The following MGST2 variants were observed in gnomAD, a reference collection of about 807,000 sequenced individuals.
MGST2 encodes the protein glutathione peroxidase MGST2.
MGST2 carries 9 observed loss-of-function variants against 16.6 expected under a neutral mutation model. The observed-to-expected ratio is 0.54, with a 90% confidence interval of 0.33 to 0.95. The LOEUF (loss-of-function observed/expected upper bound fraction) is 0.95. MGST2 is among the 40% of genes least tolerant of loss of function. The probability of loss-of-function intolerance (pLI) is 0.03; values close to 1 mark genes in which losing one functional copy is unlikely to be tolerated. For missense variants in MGST2, 159 were observed against 175.1 expected, an observed-to-expected ratio of 0.91 and a Z score of 0.52; for synonymous variants, 79 against 68.0, an observed-to-expected ratio of 1.16 and a Z score of -0.79.
At chr4:139,717,197 C>T (rs1403780840) in intron 5 of MGST2, 1 of 152,516 alleles carries the variant, frequency 6.6e-6, no homozygotes, top group Non-Finnish European at 1.5e-5. Flanking sequence ...TTAAAATCTA[C>T]CTATTAGTTG....
At position 139,698,657 on chromosome 4, in the gene MGST2, A is replaced by C. The variant is rs1399171694; in HGVS notation, c.229+3390A>C. The C allele has an allele frequency of 1.2e-5, 9 of 752,130 alleles. No homozygotes were observed. The Admixed American group carries it at 2.2e-4, about 18-fold the overall frequency. The allele number at this position is 752,130 out of a possible 1,614,324, so 46.6% of individuals were successfully genotyped here. ...GAGCCAAGTATGTGTTTCTTATAGC[A>C]ATCCTGCTCCCACATAAAAGCTGCA... On this transcript the variant is annotated intron_variant, in intron 3 of 4. Transcript: ENST00000265498.
At chr4:139,700,422 C>A (rs1304337639) in intron 3 of MGST2, among the ~76,000 whole-genome samples, 2 of 152,234 alleles carry the variant, frequency 1.3e-5, no homozygotes, top group East Asian at 1.9e-4. Flanking sequence ...TGAGCCACCA[C>A]GCCCGGCCAC....
chr4:139,713,700 G>A lies in MGST2; in HGVS notation c.*48+9504G>A, dbSNP rs140587523. ...TTACCTGACTTTAACAATGCCAAGC[G>A]GCCAATATTTCTAGCTTCTGAACTC... On this transcript the variant is annotated intron_variant, in intron 5 of 5. Transcript: ENST00000616265. Among the ~76,000 whole-genome samples, 298 of 152,150 alleles carry A rather than the reference G, an allele frequency of 2.0e-3. 3 individuals are homozygous for A. Among genetic ancestry groups the A allele is most frequent in the African/African-American group, 6.6e-3 (273 of 41,524 alleles).
At chr4:139,720,333 A>G (rs1179721915) in intron 5 of MGST2, 1 of 1,517,456 alleles carries the variant, frequency 6.6e-7, no homozygotes, top group Non-Finnish European at 8.8e-7. Flanking sequence ...CCTGCAGTGA[A>G]AAAGAGGACA....
the MGST2 span, among the ~76,000 whole-genome samples, chr4:139,748,998 C>G: frequency 3.3e-5 from 5 of 152,132 alleles, no homozygotes; most frequent in African/African-American, 1.2e-4. Context: ...CCTTGAAGTT[C>G]CAGAGGGCAC....
chr4:139,719,204 A>C, intron 5 of MGST2: 1 of 1,142,884 alleles, frequency 8.7e-7, no homozygotes, highest in Non-Finnish European at 1.2e-6. Flanking sequence ...AGCCAGCTGC[A>C]GTTTTGCTCA....
intron 3 of MGST2, among the ~76,000 whole-genome samples, chr4:139,700,858 C>T (rs1382116452): frequency 6.6e-6 from 1 of 152,198 alleles, no homozygotes; most frequent in Non-Finnish European, 1.5e-5. Flanking sequence ...TTTCTGGTAA[C>T]TTTCACTGTC....
chr4:139,743,998 T>C (rs1207316389), downstream of MGST2, among the ~76,000 whole-genome samples: 1 of 152,206 alleles, frequency 6.6e-6, no homozygotes, highest in African/African-American at 2.4e-5. Flanking sequence ...TCACTAACAG[T>C]TGTCACTGCT....
the MGST2 span, among the ~76,000 whole-genome samples, chr4:139,748,553 G>A: frequency 6.6e-6 from 1 of 152,206 alleles, no homozygotes; most frequent in Non-Finnish European, 1.5e-5. Context: ...CTGGGGAAAA[G>A]TCAGGCTGAG....
chr4:139,720,514 G>C (rs1728192271), intron 5 of MGST2, among the ~76,000 whole-genome samples: 1 of 152,080 alleles, frequency 6.6e-6, no homozygotes, highest in Admixed American at 6.5e-5. Context: ...TTTTGAAAGT[G>C]TTAAAAAATA....
chr4:139,705,409 A>C (rs1727482288), downstream of MGST2, among the ~76,000 whole-genome samples: 1 of 152,074 alleles, frequency 6.6e-6, no homozygotes, highest in Non-Finnish European at 1.5e-5. Context: ...ATTCCAGAGG[A>C]GTTAGTATGA....
rs1480334248 is a variant in MGST2 at position 139,715,519 on chromosome 4, C to T, written c.*48+11323C>T. 1.8e-4 allele frequency among the ~76,000 whole-genome samples: 27 copies of T among 152,122 alleles called. No individual in the cohort carries two copies. Among genetic ancestry groups the T allele is most frequent in the Non-Finnish European group, 3.8e-4 (26 of 68,020 alleles). On this transcript the variant is annotated intron_variant, in intron 5 of 5. Transcript: ENST00000616265. The surrounding 1 kb of genome is among the most constrained non-coding windows in gnomAD (Gnocchi z 4.4). ...GAATTCAGGGTGAGTCTGCAGTGCA[C>T]AGTGAAAGCAAGTTTATTAAGAAAG...
At chr4:139,703,219 G>A (rs891967109) in intron 3 of MGST2, among the ~76,000 whole-genome samples, 2 of 151,982 alleles carry the variant, frequency 1.3e-5, no homozygotes, top group Admixed American at 6.6e-5. Flanking sequence ...GAGCTACCAC[G>A]TCCAGCCTCA....
chr4:139,666,272 A>G (rs773779923), intron 1 of MGST2, among the ~76,000 whole-genome samples, 195 bp downstream of exon 1: 1 of 151,956 alleles, frequency 6.6e-6, no homozygotes, highest in African/African-American at 2.4e-5. Context: ...CCTCCTTCCC[A>G]GGGGCAAGCA....
At chr4:139,725,281 C>T (rs971827995) in intron 5 of MGST2, among the ~76,000 whole-genome samples, 18 of 152,222 alleles carry the variant, frequency 1.2e-4, no homozygotes, top group African/African-American at 3.6e-4. Context: ...TCTTCCACTT[C>T]AGCTTTAGAG....
intron 3 of MGST2, among the ~76,000 whole-genome samples, chr4:139,697,037 C>T (rs887030509): frequency 9.2e-5 from 14 of 152,010 alleles, no homozygotes; most frequent in East Asian, 3.9e-4. Flanking sequence ...AAGGTAATCC[C>T]GTCCTGACTT....
chr4:139,734,041 C>T (rs991159998), intron 5 of MGST2, among the ~76,000 whole-genome samples: 3 of 152,162 alleles, frequency 2.0e-5, no homozygotes, highest in African/African-American at 4.8e-5. Flanking sequence ...ATCTTTAGTT[C>T]GCAACAAAGC....
intron 3 of MGST2, chr4:139,698,555 G>A: frequency 6.7e-6 from 6 of 892,592 alleles, no homozygotes; most frequent in Non-Finnish European, 1.1e-5. Context: ...TACGAGCCAT[G>A]GTACAGAGAC....
At chr4:139,688,017 G>A (rs567964753) in intron 2 of MGST2, among the ~76,000 whole-genome samples, 1 of 152,278 alleles carries the variant, frequency 6.6e-6, no homozygotes, top group East Asian at 1.9e-4. Context: ...TCCCTTTAGA[G>A]TAAAGTCATT....
Sources: allele counts gnomAD v4.1 joint callset (sites outside exome capture counted in the v4.1 genomes callset), GRCh38; gene constraint gnomAD v4.1.1; non-coding constraint Gnocchi (gnomAD v3.1); transcripts MANE v1.5; gene names NCBI Gene and HGNC (gene_info 2026-07-23, HGNC 2026-07-21).